The following CCNQ variants were observed in gnomAD, a reference collection of about 807,000 sequenced individuals.
CCNQ encodes cyclin-Q.
Under a neutral mutation model 17.7 loss-of-function variants are expected in CCNQ, and 3 were observed. The observed-to-expected ratio is 0.17, with a 90% CI of 0.08 to 0.44. CCNQ has a LOEUF of 0.44. CCNQ is among the 20% of genes least tolerant of loss of function. The probability of loss-of-function intolerance (pLI) is 0.99; values close to 1 mark genes in which losing one functional copy is unlikely to be tolerated. For missense variants in CCNQ, 146 were observed against 222.6 expected, an observed-to-expected ratio of 0.66 and a Z score of 2.19; for synonymous variants, 73 against 96.0, an observed-to-expected ratio of 0.76 and a Z score of 1.40.
chrX:153,592,718 G>C lies in CCNQ; in HGVS notation c.445C>G (p.Leu149Val), dbSNP rs782265242. 5.8e-6 allele frequency: 7 copies of C among 1,210,139 alleles called. No individual in the cohort carries two copies. The highest frequency in any genetic ancestry group is 7.8e-6 in the Non-Finnish European group (7 of 894,422). Residue 149 changes from leucine (L) to valine (V), a missense_variant, in exon 4 of 5, where the codon CTG (leucine) becomes GTG (valine). Coordinates refer to ENST00000576892, the MANE Select transcript of CCNQ (RefSeq NM_152274.5). ...QHPHKYLLHY[L>V]VSLQNWLNRH... ...TTCAGCCAGTTCTGGAGGGAAACCA[G>C]GTAGTGGAGCAGGTACTGCAAAGAC...
chrX:153,592,194 C>T (rs1174141909), intron 4 of CCNQ, among the ~76,000 whole-genome samples: 1 of 112,563 alleles, frequency 8.9e-6, no homozygotes, highest in Non-Finnish European at 1.9e-5. Context: ...GGTTTAGTAA[C>T]CTGTGATCAC....
chrX:153,594,577 G>A lies in CCNQ; in HGVS notation c.399C>T (p.Arg133=). The stretch of plus-strand genomic sequence containing the variant: ...GTGGATGCTGGAAGGAGACCTGGAA[G>A]CGCAGAACTCTCAGCATGAGAAGCT... ...QCELLMLRVL[R]FQVSFQHPHK... Residue 133 remains arginine (R), a synonymous_variant, in exon 3 of 5, where the codon CGC becomes CGT. Transcript: ENST00000576892. The A allele has an allele frequency of 8.3e-7, 1 of 1,211,005 alleles. No individual in the cohort carries two copies. Among genetic ancestry groups the A allele is most frequent in the Non-Finnish European group, 1.1e-6 (1 of 895,424 alleles).
At chrX:153,591,760 T>C (rs2090993107) in intron 4 of CCNQ, among the ~76,000 whole-genome samples, 1 of 109,761 alleles carries the variant, frequency 9.1e-6, no homozygotes, top group South Asian at 3.9e-4. Context: ...GGAACATGGG[T>C]GCATGGGTTC....
chrX:153,598,972 G>C lies in CCNQ; in HGVS notation c.102C>G (p.Ile34Met). ...CCCGGCCGCGGTTACCTGCCTCCATGATGAACCTCGCCACTCGGAAGTGCA... is the reference window on the plus strand; with the variant it reads ...CCCGGCCGCGGTTACCTGCCTCCATCATGAACCTCGCCACTCGGAAGTGCA... The part of the protein sequence containing the change: ...ARVHFRVARF[I>M]MEAGVKLGMR... Residue 34 changes from isoleucine (I) to methionine (M), a missense_variant, in exon 1 of 5, where the codon ATC (isoleucine) becomes ATG (methionine). By Grantham distance (10) the Ile-to-Met change is conservative. Transcript: ENST00000576892. 1 of 1,139,709 alleles carries C rather than the reference G, an allele frequency of 8.8e-7. No individual in the cohort carries two copies. Among genetic ancestry groups the C allele is most frequent in the Non-Finnish European group, 1.2e-6 (1 of 861,030 alleles). 93.9% of individuals were successfully genotyped at this position (1,139,709 alleles called of 1,213,427 possible).
At chrX:153,589,573 A>G (rs1387793596) in intron 4 of CCNQ, among the ~76,000 whole-genome samples, 1 of 112,732 alleles carries the variant, frequency 8.9e-6, no homozygotes. Context: ...TGATAAGGGA[A>G]ATAGTAAGTA....
intron 4 of CCNQ, among the ~76,000 whole-genome samples, chrX:153,591,970 G>C (rs1402505639): frequency 1.8e-5 from 2 of 110,405 alleles, no homozygotes; most frequent in Non-Finnish European, 3.8e-5. Context: ...AACAGCACCA[G>C]CCACCTGGAA....
intron 1 of CCNQ, chrX:153,597,452 C>T (rs1235120668): frequency 8.9e-6 from 1 of 112,171 alleles, no homozygotes; most frequent in Non-Finnish European, 1.9e-5. Context: ...GGGCTGCATT[C>T]CTTGGTTGCT....
rs781963051 is a variant in CCNQ at position 153,588,325 on chromosome X, C to G, written c.*40G>C. ...GGTGACAATGTCCCCAGGCAGCCGA[C>G]CATCCTGGGCTTCTCTTTGGGCAGG... is the stretch of plus-strand genomic sequence containing the variant. On this transcript the variant is annotated 3_prime_UTR_variant, in exon 5 of 5. Coordinates refer to ENST00000576892, the MANE Select transcript of CCNQ (RefSeq NM_152274.5). 20 of 1,115,402 alleles carry G rather than the reference C, an allele frequency of 1.8e-5. No individual in the cohort carries two copies. The highest frequency in any genetic ancestry group is 2.5e-5 in the Non-Finnish European group (20 of 807,892). The allele number at this position is 1,115,402 out of a possible 1,213,427, so 91.9% of individuals were successfully genotyped here.
chrX:153,597,334 G>C (rs2091034988), intron 1 of CCNQ: 1 of 112,590 alleles, frequency 8.9e-6, no homozygotes, highest in South Asian at 3.6e-4. Context: ...CTGGAAGTCA[G>C]AAGTCCAAAA....
intron 2 of CCNQ, among the ~76,000 whole-genome samples, chrX:153,595,275 G>A (rs1360452156): frequency 9.0e-6 from 1 of 111,552 alleles, no homozygotes; most frequent in Non-Finnish European, 1.9e-5. Context: ...GCGCCACCAC[G>A]CCCGGCTAAT....
At chrX:153,593,421 T>G (rs1043996255) in intron 3 of CCNQ, among the ~76,000 whole-genome samples, 51 of 112,033 alleles carry the variant, frequency 4.6e-4, no homozygotes, top group African/African-American at 1.4e-3. Flanking sequence ...GTTCCCCATC[T>G]GGGCACAGAT....
intron 3 of CCNQ, 130 bp from the exon 4 acceptor site, chrX:153,592,863 G>C: frequency 3.2e-6 from 2 of 622,007 alleles, no homozygotes; most frequent in Non-Finnish European, 5.1e-6. Flanking sequence ...AAGGCCTTCT[G>C]CTGGCCCCAT....
intron 2 of CCNQ, 139 bp downstream of exon 2, chrX:153,595,865 G>T: frequency 1.4e-6 from 1 of 707,325 alleles, no homozygotes; most frequent in Non-Finnish European, 2.3e-6. Flanking sequence ...ACTGTTTCTG[G>T]CCCTGCCTGG....
intron 1 of CCNQ, among the ~76,000 whole-genome samples, chrX:153,598,189 C>G (rs7059146): frequency 0.2 from 22,517 of 110,959 alleles, 2,898 homozygotes; most frequent in African/African-American, 0.48. Flanking sequence ...GGCGAGGCAA[C>G]TGGATCACCT....
chrX:153,597,436 AGAG>A (rs2091035603), intron 1 of CCNQ: 1 of 112,255 alleles, frequency 8.9e-6, no homozygotes, highest in Admixed American at 9.4e-5. Context: ...TCCAGCTTCT[AGAG>A]GAGGGCTGCA....
At position 153,598,981 on chromosome X, in the gene CCNQ, C is replaced by G. The variant is rs782497996; in HGVS notation, c.93G>C (p.Ala31=). Residue 31 remains alanine, a synonymous_variant, in exon 1 of 5, where the codon GCG becomes GCC. Coordinates refer to ENST00000576892, the MANE Select transcript of CCNQ (RefSeq NM_152274.5). ...APEARVHFRV[A]RFIMEAGVKL... is the part of the protein sequence containing the mutation. ...GGTTACCTGCCTCCATGATGAACCT[C>G]GCCACTCGGAAGTGCACCCTGGCTT... The G allele has an allele frequency of 8.8e-7, 1 of 1,140,972 alleles. No homozygotes were observed. The highest frequency in any genetic ancestry group is 1.2e-6 in the Non-Finnish European group (1 of 862,105). The allele number at this position is 1,140,972 out of a possible 1,213,427, so 94.0% of individuals were successfully genotyped here.
chrX:153,589,024 G>A (rs1207237844), intron 4 of CCNQ, among the ~76,000 whole-genome samples: 1 of 113,185 alleles, frequency 8.8e-6, no homozygotes, highest in Non-Finnish European at 1.9e-5. Context: ...TCCACACCCT[G>A]TACCTTCCAA....
At position 153,594,912 on chromosome X, in the gene CCNQ, G is replaced by A. The variant is rs782080063; in HGVS notation, c.297-233C>T. ...AGAAGCCAGCTCCTAGTTTTAGCCA[G>A]ATGGGCTGTCCGCTATCATTCAGCA... On this transcript the variant is annotated intron_variant, in intron 2 of 4. Coordinates refer to ENST00000576892, the MANE Select transcript of CCNQ (RefSeq NM_152274.5). Among the ~76,000 whole-genome samples the A allele has an allele frequency of 2.8e-3, 320 of 112,499 alleles. 9 individuals are homozygous for A. Among genetic ancestry groups the A allele is most frequent in the Middle Eastern group, 4.6e-3 (1 of 219 alleles).
intron 2 of CCNQ, 84 bp from the exon 3 acceptor site, chrX:153,594,763 T>A: frequency 9.8e-7 from 1 of 1,024,905 alleles, no homozygotes; most frequent in Non-Finnish European, 1.4e-6. Context: ...TCACACAATG[T>A]CCAGATGCAA....
Sources: gnomAD v4.1 joint callset for allele counts (sites outside exome capture counted in the v4.1 genomes callset) on GRCh38, gnomAD v4.1.1 for gene constraint, MANE v1.5 for transcripts, NCBI Gene and HGNC (gene_info 2026-07-23, HGNC 2026-07-21) for gene names.